TBC1D12: variants seen among roughly 807,000 people sequenced by gnomAD.
TBC1D12 encodes TBC1 domain family member 12.
Under a neutral mutation model 86.7 loss-of-function variants are expected in TBC1D12, and 56 were observed. The observed-to-expected ratio is 0.65, with a 90% CI of 0.52 to 0.81. The LOEUF is 0.81. TBC1D12 is among the 30% of genes least tolerant of loss of function. The pLI is 0.00. For synonymous variants in TBC1D12, 421 were observed against 411.7 expected (o/e 1.02, Z -0.27); for missense variants, 1,023 against 1,038.8 (o/e 0.98, Z 0.21).
intron 2 of TBC1D12, among the ~76,000 whole-genome samples, chr10:94,445,524 A>G (rs2055449139): frequency 6.6e-6 from 1 of 151,972 alleles, no homozygotes; most frequent in African/African-American, 2.4e-5. Context: ...CACTTATTTT[A>G]GTTTTCGAAC....
At chr10:94,469,023 G>A (rs1024456279) in intron 2 of TBC1D12, among the ~76,000 whole-genome samples, 1 of 152,106 alleles carries the variant, frequency 6.6e-6, no homozygotes, top group Non-Finnish European at 1.5e-5. Flanking sequence ...TTAGTTATGG[G>A]ATAAATTAGC....
chr10:94,486,136 CTTCTTTTTT>C (rs1202549394), intron 3 of TBC1D12, among the ~76,000 whole-genome samples: 1 of 120,874 alleles, frequency 8.3e-6, no homozygotes. Flanking sequence ...TCTTCTTCTT[CTTCTTTTTT>C]TTTTTTTTTT....
intron 1 of TBC1D12, among the ~76,000 whole-genome samples, chr10:94,428,442 C>T (rs866906814): frequency 3.9e-5 from 6 of 151,920 alleles, no homozygotes; most frequent in African/African-American, 1.2e-4. Flanking sequence ...CGCATGCCAC[C>T]ATGCCTGGCT....
intron 2 of TBC1D12, among the ~76,000 whole-genome samples, chr10:94,460,704 C>T (rs868778636): frequency 6.6e-6 from 1 of 151,600 alleles, no homozygotes; most frequent in Non-Finnish European, 1.5e-5. Context: ...TTCTCTCTGT[C>T]TCTCTTTTCC....
Position 94,521,966 on chromosome 10 carries a change from G to T in TBC1D12, c.1773G>T (p.Met591Ile). The T allele has an allele frequency of 6.2e-7, 1 of 1,603,976 alleles. No individual in the cohort carries two copies. Among genetic ancestry groups the T allele is most frequent in the Non-Finnish European group, 8.5e-7 (1 of 1,173,256 alleles). ...YRPDVGYVQG[M>I]SFIAAVLILN... ...TTCTCCCTTTGAAGGTCCAAGGGAT[G>T]TCCTTCATTGCAGCAGTACTCATTC... The change falls in exon 10 of 13, where the codon ATG becomes ATT. Residue 591 changes from methionine (M) to isoleucine (I), a missense_variant. Met to Ile is a conservative substitution (Grantham distance 10). Transcript: ENST00000225235.
rs543981366 is a variant in TBC1D12, at chr10:94,423,716, C to G, written c.972-18180C>G. Among the ~76,000 whole-genome samples, 5 of 152,248 alleles carry G rather than the reference C, an allele frequency of 3.3e-5. No individual in the cohort carries two copies. In the South Asian group the frequency reaches 8.3e-4, roughly 25 times the overall value. On this transcript the variant is annotated intron_variant, in intron 1 of 12. Transcript: ENST00000225235. ...TAAAAAACTTGGGGGGTCTGCTTGT[C>G]TTAGCCTGTGTATGAATTTTTCTCT...
rs772665774 is a variant in TBC1D12 at position 94,441,986 on chromosome 10, G to A, written c.1062G>A (p.Glu354=). ...WKLFGKVPPR[E]NLQKTSKIIQ... is the part of the protein sequence containing the mutation. ...TATTTGGTAAAGTCCCTCCTAGAGA[G>A]AATCTTCAGAAAACATCCAAAATCA... Residue 354 remains glutamate (E), a synonymous_variant, in exon 2 of 13, where the codon GAG becomes GAA. Coordinates refer to ENST00000225235, the MANE Select transcript of TBC1D12 (RefSeq NM_015188.2). The A allele has an allele frequency of 3.1e-6, 5 of 1,612,406 alleles. No individual in the cohort carries two copies. The African/African-American group carries it at 4.0e-5, about 13-fold the overall frequency.
intron 3 of TBC1D12, among the ~76,000 whole-genome samples, chr10:94,477,655 G>A (rs1411933266): frequency 6.6e-6 from 1 of 152,166 alleles, no homozygotes; most frequent in Non-Finnish European, 1.5e-5. Context: ...TTCTGTTTAT[G>A]GATGCAGGCA....
intron 10 of TBC1D12, 73 bp downstream of exon 10, chr10:94,522,156 A>G: frequency 6.6e-7 from 1 of 1,512,542 alleles, no homozygotes; most frequent in Middle Eastern, 1.8e-4. Context: ...AATAATTAGA[A>G]GGCCAAAACA....
chr10:94,519,863 A>T (rs1842093760), intron 9 of TBC1D12, among the ~76,000 whole-genome samples: 1 of 152,138 alleles, frequency 6.6e-6, no homozygotes, highest in Non-Finnish European at 1.5e-5. Context: ...AATTCAGGAT[A>T]AGCTCCCTAT....
chr10:94,458,532 T>C (rs1197452106), intron 2 of TBC1D12, among the ~76,000 whole-genome samples: 1 of 152,162 alleles, frequency 6.6e-6, no homozygotes, highest in Non-Finnish European at 1.5e-5. Context: ...ATGGTGAAAC[T>C]GTGTCTGGAA....
At chr10:94,482,053 A>C (rs962256269) in intron 3 of TBC1D12, among the ~76,000 whole-genome samples, 1 of 152,192 alleles carries the variant, frequency 6.6e-6, no homozygotes, top group Admixed American at 6.5e-5. Context: ...GGTTTATTAC[A>C]TAGGTAAACT....
rs768037309 is a variant in TBC1D12, at chr10:94,533,112, GACTA to G, written c.*20_*23del. On this transcript the variant is annotated 3_prime_UTR_variant, in exon 13 of 13. Transcript: ENST00000225235. ...GAAAAGCTAGTCTTCAAAATTGACA[GACTA>G]ACTGACATAGAAAAAGTGGTTTTTG... The G allele has an allele frequency of 1.8e-5, 28 of 1,536,014 alleles. No homozygotes were observed. Among genetic ancestry groups the G allele is most frequent in the Non-Finnish European group, 2.5e-5 (28 of 1,132,910 alleles).
rs1343369599 is a variant in TBC1D12, at chr10:94,534,664, CTTAAA to C, written c.*1576_*1580del. ...TCATTTTCAAAAAGGTAGATATGAA[CTTAAA>C]TTAAATTGACTTATGAATGCTTTGC... On this transcript the variant is annotated 3_prime_UTR_variant, in exon 13 of 13. Coordinates refer to ENST00000225235, the MANE Select transcript of TBC1D12 (RefSeq NM_015188.2). The C allele has an allele frequency of 6.6e-6, 1 of 152,134 alleles. No individual in the cohort carries two copies. Among genetic ancestry groups the C allele is most frequent in the Admixed American group, 6.5e-5 (1 of 15,270 alleles). 9.4% of individuals were successfully genotyped at this position (152,134 alleles called of 1,614,324 possible).
chr10:94,457,231 T>G (rs2055641104), intron 2 of TBC1D12, among the ~76,000 whole-genome samples: 1 of 152,150 alleles, frequency 6.6e-6, no homozygotes, highest in Admixed American at 6.5e-5. Context: ...CATTAGGTAT[T>G]TGTCCTAATG....
At position 94,493,544 on chromosome 10, in the gene TBC1D12, C is replaced by CT. The variant is rs2056274594; in HGVS notation, c.1294+105dup. On this transcript the variant is annotated intron_variant, in intron 4 of 12. Coordinates refer to ENST00000225235, the MANE Select transcript of TBC1D12 (RefSeq NM_015188.2). Reference sequence around the variant, plus strand: ...TCTGTCTTCAAGATGATACTGAATTCTTTTTTTTATTTCTTTTTTCGTTTC... The same window carrying CT: ...TCTGTCTTCAAGATGATACTGAATTCTTTTTTTTTATTTCTTTTTTCGTTTC... 3.9e-5 allele frequency: 37 copies of CT among 942,276 alleles called. No individual in the cohort carries two copies. In the Middle Eastern group the frequency reaches 8.4e-4, roughly 21 times the overall value. The allele number at this position is 942,276 out of a possible 1,614,324, so 58.4% of individuals were successfully genotyped here.
At chr10:94,452,883 T>C (rs907369892) in intron 2 of TBC1D12, among the ~76,000 whole-genome samples, 53 of 152,324 alleles carry the variant, frequency 3.5e-4, no homozygotes, top group African/African-American at 1.2e-3. Context: ...GGTTGTACCA[T>C]TGTGCATTTC....
rs1842176740 is a variant in TBC1D12 at position 94,522,473 on chromosome 10, A to T, written c.2000+20A>T. On this transcript the variant is annotated intron_variant, in intron 11 of 12. Transcript: ENST00000225235. ...AGACTGGTAAGTCATAACATACGTA[A>T]TATATAATAATGAAAAGGAAATAAA... 1.0e-6 allele frequency: 1 copy of T among 954,250 alleles called. No homozygotes were observed. 59.1% of individuals were successfully genotyped at this position (954,250 alleles called of 1,614,324 possible).
chr10:94,428,783 C>T (rs572047896), intron 1 of TBC1D12, among the ~76,000 whole-genome samples: 1 of 151,914 alleles, frequency 6.6e-6, no homozygotes, highest in African/African-American at 2.4e-5. Flanking sequence ...CCATCAGGCT[C>T]ACTACAGCCT....
Sources: allele counts gnomAD v4.1 joint callset (sites outside exome capture counted in the v4.1 genomes callset), GRCh38; gene constraint gnomAD v4.1.1; transcripts MANE v1.5; gene names NCBI Gene and HGNC (gene_info 2026-07-23, HGNC 2026-07-21).